Variants in ERC2 observed in about 807,000 individuals in gnomAD.
ERC2 encodes ERC protein 2.
A neutral mutation model predicts 114.8 loss-of-function variants in ERC2; 42 were observed. The ratio of observed to expected loss-of-function variants is 0.37; its 90% CI spans 0.29 to 0.47. ERC2 has a LOEUF of 0.47. Among genes scored for constraint, ERC2 ranks in the 20% least tolerant of loss-of-function variants. ERC2 has a pLI of 0.99. For synonymous variants in ERC2, 454 were observed against 425.5 expected (o/e 1.07, Z -0.82); for missense variants, 939 against 1,150.7 (o/e 0.82, Z 2.66).
At chr3:55,697,527 T>G (rs1367061219) in intron 16 of ERC2, among the ~76,000 whole-genome samples, 1 of 152,150 alleles carries the variant, frequency 6.6e-6, no homozygotes, top group East Asian at 1.9e-4. Flanking sequence ...CACCCTAGTT[T>G]GTGATTACAC....
At chr3:55,792,074 A>T (rs976276976) in intron 14 of ERC2, among the ~76,000 whole-genome samples, 4 of 152,214 alleles carry the variant, frequency 2.6e-5, no homozygotes, top group African/African-American at 9.6e-5. Flanking sequence ...TATTAAGTAC[A>T]ACAAACCCCT....
intron 2 of ERC2, among the ~76,000 whole-genome samples, chr3:56,355,654 A>G (rs2058721291): frequency 6.6e-6 from 1 of 152,116 alleles, no homozygotes; most frequent in Non-Finnish European, 1.5e-5. Context: ...CATATTCCAG[A>G]CGATGAGTCA....
At chr3:55,593,084 GAGCACAATGATAGGTTA>G (rs1483973410) in intron 17 of ERC2, among the ~76,000 whole-genome samples, 1 of 152,206 alleles carries the variant, frequency 6.6e-6, no homozygotes, top group Non-Finnish European at 1.5e-5. Context: ...TGTGCTGTGA[GAGCACAATGATAGGTTA>G]ACTAACTAGA....
At chr3:55,700,763 C>T (rs933942366) in intron 15 of ERC2, among the ~76,000 whole-genome samples, 8 of 152,102 alleles carry the variant, frequency 5.3e-5, no homozygotes, top group Non-Finnish European at 2.9e-5. Flanking sequence ...TCCTGCATAC[C>T]ATGGCTCTAT....
At chr3:55,930,432 G>T (rs1321775323) in intron 13 of ERC2, among the ~76,000 whole-genome samples, 4 of 151,992 alleles carry the variant, frequency 2.6e-5, no homozygotes, top group Non-Finnish European at 4.4e-5. Context: ...CAGAACAGAG[G>T]CCTCAGAAAT....
At chr3:56,189,562 G>A (rs756953470) in intron 3 of ERC2, among the ~76,000 whole-genome samples, 4 of 152,186 alleles carry the variant, frequency 2.6e-5, no homozygotes, top group African/African-American at 4.8e-5. Context: ...ATCAGAAATG[G>A]TGTGTCCATA....
chr3:56,374,337 T>C lies in ERC2; in HGVS notation c.657+60014A>G, dbSNP rs369410821. 2.0e-5 allele frequency among the ~76,000 whole-genome samples: 3 copies of C among 152,338 alleles called. No homozygotes were observed. The East Asian group carries it at 5.8e-4, about 29-fold the overall frequency. On this transcript the variant is annotated intron_variant, in intron 2 of 17. Coordinates refer to ENST00000288221, the MANE Select transcript of ERC2 (RefSeq NM_015576.3). ...TGGTCTCGATCTCCTGACCTCGTGA[T>C]CTGCCCACCTCAGCCTCCCAAAGTG... is the stretch of plus-strand genomic sequence containing the variant.
chr3:56,024,917 G>C (rs1401153901), intron 7 of ERC2, among the ~76,000 whole-genome samples: 1 of 152,172 alleles, frequency 6.6e-6, no homozygotes, highest in African/African-American at 2.4e-5. Context: ...GAAATCATAA[G>C]TGTGTATACA....
intron 14 of ERC2, among the ~76,000 whole-genome samples, chr3:55,824,194 A>T (rs1236362240): frequency 6.6e-6 from 1 of 152,204 alleles, no homozygotes; most frequent in Non-Finnish European, 1.5e-5. Context: ...AGAGACCAGG[A>T]TTTGGGCCTA....
At chr3:56,270,034 C>G (rs1303907497) in intron 3 of ERC2, among the ~76,000 whole-genome samples, 2 of 150,434 alleles carry the variant, frequency 1.3e-5, no homozygotes, top group African/African-American at 4.9e-5. Flanking sequence ...TCCAGAAAGG[C>G]ACAGATATCT....
intron 16 of ERC2, among the ~76,000 whole-genome samples, chr3:55,686,796 G>C (rs1351848310): frequency 6.6e-6 from 1 of 152,160 alleles, no homozygotes; most frequent in Non-Finnish European, 1.5e-5. Context: ...ATGCTGCTCG[G>C]TGTTTGATCC....
chr3:55,579,703 T>C (rs1330549810), intron 17 of ERC2, among the ~76,000 whole-genome samples: 1 of 152,242 alleles, frequency 6.6e-6, no homozygotes, highest in Admixed American at 6.5e-5. Context: ...GCAGAAATGA[T>C]TCATTCTTCC....
At chr3:56,217,836 G>T (rs151315545) in intron 3 of ERC2, among the ~76,000 whole-genome samples, 2 of 151,400 alleles carry the variant, frequency 1.3e-5, no homozygotes, top group African/African-American at 4.9e-5. Flanking sequence ...ATAATGCCAC[G>T]TATCTACAAC....
chr3:55,648,238 G>C (rs1325660622), intron 17 of ERC2, among the ~76,000 whole-genome samples: 1 of 152,118 alleles, frequency 6.6e-6, no homozygotes, highest in Non-Finnish European at 1.5e-5. Flanking sequence ...GTAGAGCAAT[G>C]CAGTATTAAA....
At chr3:56,388,072 C>G (rs1336196577) in intron 2 of ERC2, among the ~76,000 whole-genome samples, 2 of 152,104 alleles carry the variant, frequency 1.3e-5, no homozygotes, top group Admixed American at 1.3e-4. Context: ...CAAATCCTAA[C>G]TCATCATTTT....
intron 16 of ERC2, among the ~76,000 whole-genome samples, chr3:55,689,423 T>A (rs1250907575): frequency 5.3e-5 from 8 of 152,170 alleles, no homozygotes; most frequent in African/African-American, 1.2e-4. Flanking sequence ...GAAGCCTCTA[T>A]GTCGGCCAAC....
At chr3:55,593,603 C>A (rs1223703846) in intron 17 of ERC2, among the ~76,000 whole-genome samples, 2 of 152,164 alleles carry the variant, frequency 1.3e-5, no homozygotes, top group African/African-American at 4.8e-5. Context: ...TTAGCATGTG[C>A]CTCACTGATG....
intron 6 of ERC2, among the ~76,000 whole-genome samples, chr3:56,082,395 T>G (rs2077281438): frequency 6.6e-6 from 1 of 152,126 alleles, no homozygotes; most frequent in African/African-American, 2.4e-5. Flanking sequence ...TGCTGATGCC[T>G]TGATCTTGGA....
chr3:55,849,228 C>T lies in ERC2; in HGVS notation c.2564+39161G>A, dbSNP rs139266084. Among the ~76,000 whole-genome samples the T allele has an allele frequency of 6.0e-4, 91 of 151,768 alleles. No individual in the cohort carries two copies. The East Asian group carries it at 0.012, about 21-fold the overall frequency. ...CCGGACCACCATATGAATCCAGATT[C>T]TTTTGACTGATCTGTGCTTCTTCTG... On this transcript the variant is annotated intron_variant, in intron 14 of 17. Transcript: ENST00000288221.
Sources: gnomAD v4.1 joint callset for allele counts (sites outside exome capture counted in the v4.1 genomes callset) on GRCh38, gnomAD v4.1.1 for gene constraint, MANE v1.5 for transcripts, NCBI Gene and HGNC (gene_info 2026-07-23, HGNC 2026-07-21) for gene names.